Variants in NRXN3 observed in about 807,000 individuals in gnomAD.
NRXN3 encodes neurexin III.
NRXN3 carries 32 observed loss-of-function variants against 137.6 expected under a neutral mutation model. That is an observed-to-expected ratio of 0.23 (90% CI 0.18 to 0.31). The LOEUF is 0.31. Among genes scored for constraint, NRXN3 ranks in the 10% least tolerant of loss-of-function variants. The pLI is 1.00. For synonymous variants in NRXN3, 798 were observed against 784.5 expected, an observed-to-expected ratio of 1.02 and a Z score of -0.29; for missense variants, 1,574 against 2,062.5, an observed-to-expected ratio of 0.76 and a Z score of 4.59.
chr14:78,198,264 G>A (rs1386170561), intron 1 of NRXN3, among the ~76,000 whole-genome samples: 5 of 152,214 alleles, frequency 3.3e-5, no homozygotes, highest in African/African-American at 9.6e-5. Flanking sequence ...GCTTTGCTTT[G>A]TACCATGTCA....
At chr14:78,964,549 A>T (rs764679835) in intron 11 of NRXN3, among the ~76,000 whole-genome samples, 12 of 152,316 alleles carry the variant, frequency 7.9e-5, no homozygotes, top group Non-Finnish European at 1.5e-4. Context: ...CTTCTTCAGG[A>T]AAGTTGTTAA....
chr14:79,750,551 A>G (rs971847654), intron 19 of NRXN3, among the ~76,000 whole-genome samples: 1 of 152,160 alleles, frequency 6.6e-6, no homozygotes, highest in African/African-American at 2.4e-5. Flanking sequence ...TCTGTAATCA[A>G]ATCTGTTTGA....
rs543663373 is a variant in NRXN3, at chr14:79,447,467, T to A, written c.3263-19754T>A. On this transcript the variant is annotated intron_variant, in intron 15 of 20. Transcript: ENST00000335750. ...AAAAACAAAAATGACCTTTTATTAG[T>A]CAAGAGAAATAAGATAACTAATTTA... 3.3e-5 allele frequency among the ~76,000 whole-genome samples: 5 copies of A among 152,370 alleles called. No individual in the cohort carries two copies. In the South Asian group the frequency reaches 1.0e-3, roughly 32 times the overall value.
chr14:79,391,735 T>G (rs190267255), intron 15 of NRXN3, among the ~76,000 whole-genome samples: 4 of 152,330 alleles, frequency 2.6e-5, no homozygotes, highest in African/African-American at 9.6e-5. Context: ...TCATATCTTC[T>G]CCATTATTCC....
chr14:78,227,439 T>A (rs1049336556), intron 1 of NRXN3, among the ~76,000 whole-genome samples: 1 of 152,170 alleles, frequency 6.6e-6, no homozygotes, highest in Non-Finnish European at 1.5e-5. Flanking sequence ...ATCAGGCTTA[T>A]GAGATCATTG....
At chr14:79,023,441 A>G (rs2099593055) in intron 15 of NRXN3, among the ~76,000 whole-genome samples, 1 of 152,146 alleles carries the variant, frequency 6.6e-6, no homozygotes, top group Non-Finnish European at 1.5e-5. Flanking sequence ...AGGTAAGGAA[A>G]GAAAGAGTGG....
At chr14:78,943,916 A>T (rs898024966) in intron 10 of NRXN3, among the ~76,000 whole-genome samples, 1 of 151,786 alleles carries the variant, frequency 6.6e-6, no homozygotes, top group Non-Finnish European at 1.5e-5. Context: ...CTGAAGAATT[A>T]GTTTGCAACA....
intron 16 of NRXN3, among the ~76,000 whole-genome samples, chr14:79,550,689 C>T (rs2005501): frequency 0.019 from 2,925 of 152,154 alleles, 42 homozygotes; most frequent in Non-Finnish European, 0.031. Flanking sequence ...TGGCAAGACT[C>T]GGAAAGTGCA....
At chr14:79,493,439 T>G (rs1249817092) in intron 16 of NRXN3, among the ~76,000 whole-genome samples, 1 of 152,236 alleles carries the variant, frequency 6.6e-6, no homozygotes, top group Non-Finnish European at 1.5e-5. Context: ...GTCTCCTTGA[T>G]AGATGCATCC....
chr14:79,361,055 T>C (rs1424426475), intron 15 of NRXN3, among the ~76,000 whole-genome samples: 1 of 152,234 alleles, frequency 6.6e-6, no homozygotes, highest in Admixed American at 6.5e-5. Flanking sequence ...TTAGCTATGA[T>C]GAAGGCAGGG....
At chr14:79,244,663 A>G (rs567432557) in intron 15 of NRXN3, among the ~76,000 whole-genome samples, 12 of 152,154 alleles carry the variant, frequency 7.9e-5, no homozygotes, top group Non-Finnish European at 1.6e-4. Flanking sequence ...TTTGCAGACA[A>G]CAAGATGTGC....
chr14:78,404,685 GA>G (rs2092367157), intron 4 of NRXN3, among the ~76,000 whole-genome samples: 1 of 152,086 alleles, frequency 6.6e-6, no homozygotes, highest in Non-Finnish European at 1.5e-5. Flanking sequence ...GGATCAGAGT[GA>G]ATACTCAATA....
chr14:79,658,699 G>A (rs935486110), intron 16 of NRXN3, among the ~76,000 whole-genome samples: 1 of 152,152 alleles, frequency 6.6e-6, no homozygotes, highest in Non-Finnish European at 1.5e-5. Flanking sequence ...AATGGGTATG[G>A]AAGACCTTGC....
chr14:79,028,563 T>A (rs1437601619), intron 15 of NRXN3, among the ~76,000 whole-genome samples: 6 of 152,186 alleles, frequency 3.9e-5, no homozygotes, highest in Non-Finnish European at 5.9e-5. Context: ...ACAAAAGAGA[T>A]GACAGATTAG....
At chr14:79,746,848 TAAAG>T (rs199786536) in intron 19 of NRXN3, among the ~76,000 whole-genome samples, 1,745 of 152,232 alleles carry the variant, frequency 0.011, 36 homozygotes, top group African/African-American at 0.04. Context: ...AGTTACTTCT[TAAAG>T]AACCCCTAAA....
intron 16 of NRXN3, among the ~76,000 whole-genome samples, chr14:79,612,139 A>G (rs1472013543): frequency 6.6e-6 from 1 of 152,242 alleles, no homozygotes; most frequent in Non-Finnish European, 1.5e-5. Flanking sequence ...AGTAAATTAT[A>G]GTCTCAGAAA....
intron 8 of NRXN3, among the ~76,000 whole-genome samples, chr14:78,771,374 C>G (rs1222299759): frequency 1.3e-5 from 2 of 152,134 alleles, no homozygotes; most frequent in Non-Finnish European, 2.9e-5. Flanking sequence ...TATTTATCTC[C>G]TAATAGGGGC....
intron 4 of NRXN3, among the ~76,000 whole-genome samples, chr14:78,554,313 T>A (rs911140245): frequency 1.3e-5 from 2 of 152,118 alleles, no homozygotes; most frequent in African/African-American, 4.8e-5. Context: ...TGGTTACTTG[T>A]GGGTGAGCTC....
At chr14:78,251,416 C>T (rs2068608906) in intron 2 of NRXN3, among the ~76,000 whole-genome samples, 2 of 152,204 alleles carry the variant, frequency 1.3e-5, no homozygotes, top group South Asian at 4.1e-4. Context: ...AGTCTCCACA[C>T]CTAATTTTGT....
Sources: allele counts gnomAD v4.1 joint callset (sites outside exome capture counted in the v4.1 genomes callset), GRCh38; gene constraint gnomAD v4.1.1; transcripts MANE v1.5; gene names NCBI Gene and HGNC (gene_info 2026-07-23, HGNC 2026-07-21).